SYCE3: variants seen among roughly 807,000 people sequenced by gnomAD.
SYCE3 encodes the protein synaptonemal complex central element protein 3.
Under a neutral mutation model 8.1 loss-of-function variants are expected in SYCE3, and 3 were observed. The observed-to-expected ratio is 0.37, with a 90% CI of 0.17 to 0.96. SYCE3 has a LOEUF of 0.96. SYCE3 is among the 40% of genes least tolerant of loss of function. SYCE3 has a pLI of 0.41. For missense variants in SYCE3, 83 were observed against 110.0 expected, an observed-to-expected ratio of 0.75 and a Z score of 1.10; for synonymous variants, 36 against 38.7, an observed-to-expected ratio of 0.93 and a Z score of 0.26.
At chr22:50,551,446 G>A (rs1025236237) in intron 2 of SYCE3, 44 bp from the exon 3 acceptor site, 2 of 1,524,624 alleles carry the variant, frequency 1.3e-6, no homozygotes, top group Non-Finnish European at 1.8e-6. Flanking sequence ...GGGAGGGGCT[G>A]CAGCTCTGGG....
chr22:50,554,581 C>T (rs1300905583), intron 2 of SYCE3, among the ~76,000 whole-genome samples: 1 of 151,274 alleles, frequency 6.6e-6, no homozygotes, highest in Non-Finnish European at 1.5e-5. Context: ...GTAATCCCAC[C>T]TACCCAGGAG....
intron 1 of SYCE3, among the ~76,000 whole-genome samples, chr22:50,560,916 G>A (rs2069908354): frequency 6.6e-6 from 1 of 152,126 alleles, no homozygotes; most frequent in South Asian, 2.1e-4. Context: ...CCTAATAAAT[G>A]GCAATGAAAA....
At chr22:50,557,251 G>A (rs6009926) in intron 1 of SYCE3, among the ~76,000 whole-genome samples, 12,655 of 151,518 alleles carry the variant, frequency 0.084, 1,177 homozygotes, top group African/African-American at 0.23. Context: ...CTGCTTCCTG[G>A]GTTCAAGTGA....
At chr22:50,551,855 G>A (rs2148697302) in intron 2 of SYCE3, among the ~76,000 whole-genome samples, 1 of 152,242 alleles carries the variant, frequency 6.6e-6, no homozygotes, top group African/African-American at 2.4e-5. Context: ...CAGTGGCCTG[G>A]GATGCCTGCC....
chr22:50,554,716 C>T (rs1320703228), intron 2 of SYCE3, among the ~76,000 whole-genome samples: 1 of 146,630 alleles, frequency 6.8e-6, no homozygotes, highest in Non-Finnish European at 1.5e-5. Flanking sequence ...AAAAAAAGGC[C>T]AGGCGCGGTG....
chr22:50,556,481 T>G (rs969425248), intron 1 of SYCE3, 76 bp from the exon 2 acceptor site: 3 of 1,021,992 alleles, frequency 2.9e-6, no homozygotes, highest in African/African-American at 1.6e-5. Context: ...TATAACTCAG[T>G]GATTTCTCTA....
At chr22:50,557,741 A>G (rs200139339) in intron 1 of SYCE3, among the ~76,000 whole-genome samples, 1 of 133,638 alleles carries the variant, frequency 7.5e-6, no homozygotes, top group South Asian at 2.4e-4. Flanking sequence ...TAAATAATGT[A>G]AGAGCTGCCA....
At chr22:50,556,180 C>A in intron 2 of SYCE3, 117 bp downstream of exon 2, 1 of 677,120 alleles carries the variant, frequency 1.5e-6, no homozygotes. Context: ...CAACCTTGAA[C>A]ATATGTCCTG....
At chr22:50,559,836 A>G (rs2069896827) in intron 1 of SYCE3, among the ~76,000 whole-genome samples, 3 of 152,132 alleles carry the variant, frequency 2.0e-5, no homozygotes, top group African/African-American at 7.2e-5. Context: ...GCTGAGGCAG[A>G]AGAATCCCTT....
chr22:50,553,282 G>A (rs1270511508), intron 2 of SYCE3, among the ~76,000 whole-genome samples: 1 of 152,034 alleles, frequency 6.6e-6, no homozygotes, highest in Non-Finnish European at 1.5e-5. Context: ...TTTTTTGAGT[G>A]CAAATTAAAT....
intron 2 of SYCE3, among the ~76,000 whole-genome samples, chr22:50,552,198 A>G (rs2069815917): frequency 6.6e-6 from 1 of 152,102 alleles, no homozygotes; most frequent in African/African-American, 2.4e-5. Flanking sequence ...TCCCCTTAAA[A>G]TTCCTCTTTG....
intron 1 of SYCE3, among the ~76,000 whole-genome samples, chr22:50,557,084 G>T (rs6009998): frequency 0.083 from 12,678 of 151,882 alleles, 1,178 homozygotes; most frequent in African/African-American, 0.23. Context: ...AAATCTTGGC[G>T]CTACCTCATA....
chr22:50,562,505 GGAGGGGTGAGGGGTGAGGCGGGAT>G (rs2069936072), intron 1 of SYCE3, among the ~76,000 whole-genome samples: 1 of 12,220 alleles, frequency 8.2e-5, no homozygotes, highest in East Asian at 1.7e-3. Flanking sequence ...GGCGGGGTGA[GGAGGGGTGAGGGGTGAGGCGGGAT>G]GAGGGGTGAG....
intron 1 of SYCE3, among the ~76,000 whole-genome samples, chr22:50,561,096 G>A (rs1052195635): frequency 1.6e-4 from 25 of 152,120 alleles, no homozygotes. Flanking sequence ...AGAAGGCCTG[G>A]GAACGTAAAC....
In SYCE3 at chr22:50,559,346, CA is replaced by C. The variant is rs2069891984; in HGVS notation, c.1-2942del. Among the ~76,000 whole-genome samples, 5 of 152,232 alleles carry C rather than the reference CA, an allele frequency of 3.3e-5. No individual in the cohort carries two copies. In the South Asian group the frequency reaches 1.0e-3, roughly 32 times the overall value. Reference sequence around the variant, plus strand: ...TTCGCCATATTGGCCAGGCTGGTCTCAAACTCCTGAACCTCAGGTGATCCGC... The same window carrying C: ...TTCGCCATATTGGCCAGGCTGGTCTCAACTCCTGAACCTCAGGTGATCCGC... On this transcript the variant is annotated intron_variant, in intron 1 of 2. Transcript: ENST00000406915.
At chr22:50,559,150 G>A (rs1488135735) in intron 1 of SYCE3, among the ~76,000 whole-genome samples, 4 of 149,972 alleles carry the variant, frequency 2.7e-5, no homozygotes, top group African/African-American at 4.9e-5. Context: ...TTCTTGAGAC[G>A]GAGTCTCACT....
chr22:50,554,171 G>A (rs1383658098), intron 2 of SYCE3, among the ~76,000 whole-genome samples: 2 of 149,496 alleles, frequency 1.3e-5, no homozygotes, highest in Non-Finnish European at 3.0e-5. Context: ...CTCCAGCCTG[G>A]GCAACAGAGC....
rs1214410340 is a variant in SYCE3 at position 50,556,427 on chromosome 22, G to T, written c.1-22C>A. The T allele has an allele frequency of 7.3e-6, 11 of 1,506,654 alleles. No individual in the cohort carries two copies. The East Asian group carries it at 2.5e-4, about 34-fold the overall frequency. The allele number at this position is 1,506,654 out of a possible 1,614,324, so 93.3% of individuals were successfully genotyped here. A position where few individuals can be genotyped will look rare whatever the true frequency, so the allele number is the denominator to read the frequency against. ...CCATCTAGGCAATGCACAGAAAGAA[G>T]CTGCAGTCAGACAGACCTACATTTC... On this transcript the variant is annotated intron_variant, in intron 1 of 2. Coordinates refer to ENST00000406915, the MANE Select transcript of SYCE3 (RefSeq NM_001123225.3).
At chr22:50,557,490 T>G (rs57525082) in intron 1 of SYCE3, among the ~76,000 whole-genome samples, 12,737 of 152,206 alleles carry the variant, frequency 0.084, 1,190 homozygotes, top group African/African-American at 0.23. Flanking sequence ...ATTATTAGTA[T>G]TACCTATATC....
Sources: gnomAD v4.1 joint callset for allele counts (sites outside exome capture counted in the v4.1 genomes callset) on GRCh38, gnomAD v4.1.1 for gene constraint, MANE v1.5 for transcripts, NCBI Gene and HGNC (gene_info 2026-07-23, HGNC 2026-07-21) for gene names.